Variants in FBN3 observed in about 807,000 individuals in gnomAD.
The protein encoded by FBN3 is fibrillin 3.
A neutral mutation model predicts 330.1 loss-of-function variants in FBN3; 234 were observed. The ratio of observed to expected loss-of-function variants is 0.71; its 90% confidence interval spans 0.64 to 0.79. The LOEUF (loss-of-function observed/expected upper bound fraction) is 0.79. Ranked by LOEUF, FBN3 falls within the 30% of genes least tolerant of loss-of-function variation. The pLI, the probability that FBN3 is intolerant of heterozygous loss-of-function variation, is 0.00. For missense variants in FBN3, 3,606 were observed against 3,886.9 expected (o/e 0.93, Z 1.92); for synonymous variants, 1,458 against 1,517.3 (o/e 0.96, Z 0.91).
At chr19:8,116,038 C>T (rs1281917359) in intron 29 of FBN3, among the ~76,000 whole-genome samples, 1 of 152,104 alleles carries the variant, frequency 6.6e-6, no homozygotes, top group Non-Finnish European at 1.5e-5. Flanking sequence ...TCCCTAAATG[C>T]ATTTGTTCAC....
At chr19:8,087,283 C>T in intron 53 of FBN3, 72 bp from the exon 54 acceptor site, 2 of 1,471,764 alleles carry the variant, frequency 1.4e-6, no homozygotes, top group Non-Finnish European at 1.8e-6. Context: ...GGATTCCACC[C>T]TGCGTCAGCC....
chr19:8,068,810 G>A (rs1352477293), intron 63 of FBN3, among the ~76,000 whole-genome samples: 1 of 152,128 alleles, frequency 6.6e-6, no homozygotes, highest in East Asian at 1.9e-4. Context: ...AAGGTCAGCT[G>A]GATCTGTAGA....
chr19:8,123,179 C>A (rs114640787), intron 24 of FBN3, among the ~76,000 whole-genome samples: 2,417 of 151,920 alleles, frequency 0.016, 72 homozygotes, highest in African/African-American at 0.056. Flanking sequence ...CACGGAGAAA[C>A]ACTATCACTA....
At chr19:8,072,949 T>C (rs2081550637) in intron 62 of FBN3, 114 bp downstream of exon 62, 3 of 858,098 alleles carry the variant, frequency 3.5e-6, no homozygotes, top group Non-Finnish European at 3.7e-6. Context: ...GGTAAATTCT[T>C]GGCATGCACA....
At chr19:8,097,712 C>A (rs919560806) in intron 41 of FBN3, among the ~76,000 whole-genome samples, 6 of 152,160 alleles carry the variant, frequency 3.9e-5, no homozygotes, top group Admixed American at 1.3e-4. Context: ...AGCAGGACAG[C>A]GGTATGAGAT....
chr19:8,116,195 G>C (rs1440319365), intron 29 of FBN3, among the ~76,000 whole-genome samples: 1 of 152,142 alleles, frequency 6.6e-6, no homozygotes, highest in Non-Finnish European at 1.5e-5. Context: ...TGTCCTGATA[G>C]GGTATGCAGT....
chr19:8,102,216 T>G (rs901249046), intron 40 of FBN3, among the ~76,000 whole-genome samples: 1 of 137,888 alleles, frequency 7.3e-6, no homozygotes, highest in African/African-American at 2.5e-5. Flanking sequence ...TTTTTTTTAT[T>G]TTTTTATTTT....
intron 13 of FBN3, among the ~76,000 whole-genome samples, chr19:8,134,455 G>A (rs141183093): frequency 6.6e-6 from 1 of 152,278 alleles, no homozygotes; most frequent in African/African-American, 2.4e-5. Context: ...GCTCATGCCT[G>A]TAGTCCCAGC....
chr19:8,095,544 T>C (rs1444631151), intron 45 of FBN3, 41 bp from the exon 46 acceptor site: 3 of 1,601,044 alleles, frequency 1.9e-6, no homozygotes, highest in Non-Finnish European at 1.7e-6. Context: ...CCCACAAAAC[T>C]TGAAGGGATC....
intron 57 of FBN3, among the ~76,000 whole-genome samples, chr19:8,082,416 CTTTG>C (rs909270989): frequency 2.0e-5 from 3 of 149,524 alleles, no homozygotes; most frequent in East Asian, 2.0e-4. Flanking sequence ...TCCCCTTTCT[CTTTG>C]TTTCTTTCTC....
rs773825703 is a variant in FBN3 at position 8,073,068 on chromosome 19, C to G, written c.7932G>C (p.Gly2644=). The G allele has an allele frequency of 6.2e-7, 1 of 1,606,556 alleles. No homozygotes were observed. The highest frequency in any genetic ancestry group is 1.1e-5 in the South Asian group (1 of 90,340). Reference sequence around the variant, plus strand: ...GCCCCACTCCAGCCTCTCACCCTTGCCCAGCCCGGAAGTAGCCTTGAGGAC... The same window carrying G: ...GCCCCACTCCAGCCTCTCACCCTTGGCCAGCCCGGAAGTAGCCTTGAGGAC... The part of the protein sequence containing the change: ...CGCPQGYFRA[G]QGHCVSGLGF... Residue 2644 remains glycine, a synonymous_variant, in exon 62 of 64, where the codon GGG becomes GGC. Coordinates refer to ENST00000600128, the MANE Select transcript of FBN3 (RefSeq NM_032447.5).
chr19:8,125,371 G>A (rs1004002834), intron 22 of FBN3, among the ~76,000 whole-genome samples: 24 of 151,846 alleles, frequency 1.6e-4, no homozygotes, highest in Admixed American at 1.1e-3. Context: ...ATGAGATTGC[G>A]CCACTGCACT....
intron 37 of FBN3, among the ~76,000 whole-genome samples, chr19:8,107,012 G>T (rs1568403586): frequency 6.6e-6 from 1 of 151,256 alleles, no homozygotes; most frequent in Admixed American, 6.6e-5. Context: ...CTAGATGAAG[G>T]ATGGGGGGTG....
At chr19:8,132,909 C>G in intron 14 of FBN3, 75 bp downstream of exon 14, 1 of 1,462,018 alleles carries the variant, frequency 6.8e-7, no homozygotes, top group Non-Finnish European at 9.1e-7. Flanking sequence ...TCCGGTCCCT[C>G]TCCTCTTCCT....
chr19:8,091,563 T>C lies in FBN3; in HGVS notation c.5933A>G (p.Asn1978Ser). Residue 1978 changes from asparagine (N) to serine (S), a missense_variant, in exon 48 of 64, where the codon AAC becomes AGC. Asn to Ser is a conservative substitution (Grantham distance 46, BLOSUM62 1). Transcript: ENST00000600128. ...IDIDECSEEP[N>S]LCLFGTCTNS... ...GGTACAGGTGCCAAAGAGGCAGAGGTTGGGCTCCTCTGAGCACTCGTCGAT... is the reference window on the plus strand; with the variant it reads ...GGTACAGGTGCCAAAGAGGCAGAGGCTGGGCTCCTCTGAGCACTCGTCGAT... The C allele has an allele frequency of 6.2e-7, 1 of 1,613,886 alleles. No individual in the cohort carries two copies. Among genetic ancestry groups the C allele is most frequent in the Non-Finnish European group, 8.5e-7 (1 of 1,179,944 alleles).
intron 54 of FBN3, 88 bp from the exon 55 acceptor site, chr19:8,086,413 C>T (rs2081959828): frequency 1.5e-6 from 1 of 689,368 alleles, no homozygotes; most frequent in Non-Finnish European, 2.2e-6. Flanking sequence ...TTGGATCTGC[C>T]CAGGCCCTCT....
intron 4 of FBN3, 41 bp from the exon 5 acceptor site, chr19:8,145,979 G>T: frequency 6.5e-7 from 1 of 1,527,710 alleles, no homozygotes; most frequent in South Asian, 1.2e-5. Context: ...TGTGGAGATG[G>T]GCCCCGAGAT....
At chr19:8,140,728 C>G (rs1253569294) in intron 8 of FBN3, among the ~76,000 whole-genome samples, 1 of 152,122 alleles carries the variant, frequency 6.6e-6, no homozygotes, top group African/African-American at 2.4e-5. Context: ...GTGAGCAGCT[C>G]TGGGTGGGAG....
chr19:8,135,936 G>GGGGGGGGGGGGGGGCGCCCCCCCCCCCC, intron 13 of FBN3, 25 bp downstream of exon 13: 2 of 668,776 alleles, frequency 3.0e-6, no homozygotes, highest in Non-Finnish European at 4.8e-6. Context: ...GGAAGCCCCT[G>GGGGGGGGGGGGGGGCGCCCCCCCCCCCC]CCCACCCGCC....
Sources: allele counts gnomAD v4.1 joint callset (sites outside exome capture counted in the v4.1 genomes callset), GRCh38; gene constraint gnomAD v4.1.1; transcripts MANE v1.5; gene names NCBI Gene and HGNC (gene_info 2026-07-23, HGNC 2026-07-21).